The following EFNA5 variants were observed in gnomAD, a reference collection of about 807,000 sequenced individuals.
The protein encoded by EFNA5 is ephrin A5.
Under a neutral mutation model 22.9 loss-of-function variants are expected in EFNA5, and 5 were observed. The ratio of observed to expected loss-of-function variants is 0.22; its 90% CI spans 0.11 to 0.46. The LOEUF is 0.46. Ranked by LOEUF, EFNA5 falls within the 20% of genes least tolerant of loss-of-function variation. The pLI is 0.99. For synonymous variants in EFNA5, 113 were observed against 112.2 expected (o/e 1.01, Z -0.04); for missense variants, 237 against 293.3 (o/e 0.81, Z 1.40).
intron 1 of EFNA5, among the ~76,000 whole-genome samples, chr5:107,439,276 C>CGGTGGGGG (rs1488968591): frequency 1.3e-4 from 20 of 152,218 alleles, no homozygotes; most frequent in Non-Finnish European, 2.2e-4. Context: ...CAAGAGAGCC[C>CGGTGGGGG]CCCACCGGAA....
chr5:107,533,051 G>A (rs1295062214), intron 1 of EFNA5, among the ~76,000 whole-genome samples: 1 of 152,152 alleles, frequency 6.6e-6, no homozygotes, highest in African/African-American at 2.4e-5. Flanking sequence ...TGGCGTTGGA[G>A]AAGGGAGGTG....
chr5:107,442,417 T>C (rs1749279696), intron 1 of EFNA5, among the ~76,000 whole-genome samples: 1 of 152,160 alleles, frequency 6.6e-6, no homozygotes. Context: ...ATTCAGTACA[T>C]AAAGAAATTC....
chr5:107,482,888 A>G (rs2112402510), intron 1 of EFNA5, among the ~76,000 whole-genome samples: 1 of 148,876 alleles, frequency 6.7e-6, no homozygotes, highest in East Asian at 2.0e-4. Context: ...ATATATATAT[A>G]TATATACATA....
intron 1 of EFNA5, among the ~76,000 whole-genome samples, chr5:107,595,088 T>C (rs1321899110): frequency 6.6e-6 from 1 of 152,032 alleles, no homozygotes; most frequent in East Asian, 1.9e-4. Flanking sequence ...GTCCCCCCTT[T>C]AGTAACCAAA....
At chr5:107,543,357 A>C (rs1748084850) in intron 1 of EFNA5, among the ~76,000 whole-genome samples, 1 of 152,242 alleles carries the variant, frequency 6.6e-6, no homozygotes, top group Non-Finnish European at 1.5e-5. Flanking sequence ...ATTTCAATTT[A>C]AGTGACGTTG....
chr5:107,436,661 C>T (rs1302814917), intron 1 of EFNA5, among the ~76,000 whole-genome samples: 1 of 152,064 alleles, frequency 6.6e-6, no homozygotes, highest in Non-Finnish European at 1.5e-5. Context: ...ACTTCAAGCA[C>T]ATGAAGCAGA....
At chr5:107,465,063 CT>C (rs11317668) in intron 1 of EFNA5, among the ~76,000 whole-genome samples, 68,640 of 147,328 alleles carry the variant, frequency 0.47, 15,992 homozygotes, top group South Asian at 0.66. Context: ...CTGTGTGAGG[CT>C]TTTTTTTTTT....
chr5:107,456,120 C>T (rs1749693361), intron 1 of EFNA5, among the ~76,000 whole-genome samples: 1 of 152,096 alleles, frequency 6.6e-6, no homozygotes, highest in African/African-American at 2.4e-5. Flanking sequence ...GTTACAGGTC[C>T]ATATTCCACA....
At chr5:107,491,997 G>A (rs1196911681) in intron 1 of EFNA5, among the ~76,000 whole-genome samples, 1 of 151,900 alleles carries the variant, frequency 6.6e-6, no homozygotes, top group Non-Finnish European at 1.5e-5. Context: ...ACTATGCCAG[G>A]CTAATTTTTG....
chr5:107,634,629 C>T (rs1750334250), intron 1 of EFNA5, among the ~76,000 whole-genome samples: 1 of 146,294 alleles, frequency 6.8e-6, no homozygotes, highest in African/African-American at 2.4e-5. Flanking sequence ...GTAACACTGA[C>T]AGTATCTGAT....
intron 1 of EFNA5, among the ~76,000 whole-genome samples, chr5:107,642,929 CA>C (rs2112545854): frequency 8.5e-6 from 1 of 118,184 alleles, no homozygotes; most frequent in Admixed American, 8.5e-5. Flanking sequence ...TCCATTTCCT[CA>C]CCTGAAAAAA....
At chr5:107,528,015 T>A (rs1475809489) in intron 1 of EFNA5, among the ~76,000 whole-genome samples, 3 of 152,184 alleles carry the variant, frequency 2.0e-5, no homozygotes, top group Admixed American at 6.5e-5. Context: ...AACCACAGCT[T>A]GGCAAATAGA....
At chr5:107,385,926 G>A (rs571314117) in intron 4 of EFNA5, among the ~76,000 whole-genome samples, 4 of 152,032 alleles carry the variant, frequency 2.6e-5, no homozygotes, top group African/African-American at 4.8e-5. Context: ...TTGCGCTCTG[G>A]GTGAGATGCC....
chr5:107,422,372 TATA>T (rs1349639474), intron 2 of EFNA5, among the ~76,000 whole-genome samples: 1 of 152,168 alleles, frequency 6.6e-6, no homozygotes, highest in African/African-American at 2.4e-5. Context: ...ACCATAAATA[TATA>T]ATGTCAGGGA....
chr5:107,551,736 C>T (rs1241049468), intron 1 of EFNA5, among the ~76,000 whole-genome samples: 1 of 152,076 alleles, frequency 6.6e-6, no homozygotes, highest in Non-Finnish European at 1.5e-5. Context: ...TTTGCAGTAT[C>T]GATTCATTCC....
chr5:107,579,046 G>GC (rs1748986581), intron 1 of EFNA5, among the ~76,000 whole-genome samples: 1 of 152,030 alleles, frequency 6.6e-6, no homozygotes, highest in African/African-American at 2.4e-5. Flanking sequence ...GCACACTGTG[G>GC]CCCTGATCAA....
intron 1 of EFNA5, among the ~76,000 whole-genome samples, chr5:107,553,625 A>G (rs910792801): frequency 6.6e-6 from 1 of 152,194 alleles, no homozygotes; most frequent in Non-Finnish European, 1.5e-5. Context: ...CTAGTGGTAG[A>G]GCAATTATCT....
rs939357459 is a variant in EFNA5 at position 107,600,864 on chromosome 5, C to T, written c.125+69625G>A. Among the ~76,000 whole-genome samples the T allele has an allele frequency of 6.6e-5, 10 of 151,956 alleles. 1 individual carries two copies. The highest frequency in any genetic ancestry group is 3.9e-4 in the Admixed American group (6 of 15,254). On this transcript the variant is annotated intron_variant, in intron 1 of 4. Coordinates refer to ENST00000333274, the MANE Select transcript of EFNA5 (RefSeq NM_001962.3). Reference sequence around the variant, plus strand: ...CCCATCTTAAATCTGGACCTCACCCCGTGAAAAGCTGAGGACAGGTTAGAG... The same window carrying T: ...CCCATCTTAAATCTGGACCTCACCCTGTGAAAAGCTGAGGACAGGTTAGAG...
intron 1 of EFNA5, among the ~76,000 whole-genome samples, chr5:107,479,335 T>G (rs1044087058): frequency 6.6e-6 from 1 of 152,182 alleles, no homozygotes; most frequent in African/African-American, 2.4e-5. Flanking sequence ...TCCTTTTACA[T>G]ATGGTGCTAA....
Sources: gnomAD v4.1 joint callset for allele counts (sites outside exome capture counted in the v4.1 genomes callset) on GRCh38, gnomAD v4.1.1 for gene constraint, MANE v1.5 for transcripts, NCBI Gene and HGNC (gene_info 2026-07-23, HGNC 2026-07-21) for gene names.